Variants in ERBB4 observed in about 807,000 individuals in gnomAD.
ERBB4 encodes erb-b2 receptor tyrosine kinase 4.
In ERBB4, 42 loss-of-function variants were observed where a neutral mutation model predicts 158.0. The observed-to-expected ratio is 0.27, with a 90% confidence interval of 0.21 to 0.34. The LOEUF is 0.34. Ranked by LOEUF, ERBB4 falls within the 10% of genes least tolerant of loss-of-function variation. The probability of loss-of-function intolerance (pLI) is 1.00; values close to 1 mark genes in which losing one functional copy is unlikely to be tolerated. For missense variants in ERBB4, 1,333 were observed against 1,624.1 expected, an observed-to-expected ratio of 0.82 and a Z score of 3.08; for synonymous variants, 583 against 558.7, an observed-to-expected ratio of 1.04 and a Z score of -0.61.
intron 19 of ERBB4, among the ~76,000 whole-genome samples, chr2:211,599,536 T>TGTGTGTGTGTGTG (rs1559336933): frequency 2.0e-5 from 3 of 150,374 alleles, no homozygotes; most frequent in Non-Finnish European, 4.4e-5. Flanking sequence ...TGTGTGTGTG[T>TGTGTGTGTGTGTG]TTCCTGTCAA....
At chr2:211,467,786 C>T (rs577449667) in intron 20 of ERBB4, among the ~76,000 whole-genome samples, 1 of 152,272 alleles carries the variant, frequency 6.6e-6, no homozygotes, top group East Asian at 1.9e-4. Context: ...AAATCCATGT[C>T]TCCTTCTCCT....
intron 2 of ERBB4, among the ~76,000 whole-genome samples, chr2:212,080,394 G>GA (rs1409851943): frequency 6.6e-6 from 1 of 150,900 alleles, no homozygotes; most frequent in Admixed American, 6.7e-5. Context: ...GAATAGGCAA[G>GA]AAAAAATGAT....
At chr2:211,524,676 G>GCTGCTCCGAGTGCGT (rs2066292925) in intron 20 of ERBB4, among the ~76,000 whole-genome samples, 4 of 122,592 alleles carry the variant, frequency 3.3e-5, no homozygotes, top group African/African-American at 1.7e-4. Flanking sequence ...TCCGAGTGCG[G>GCTGCTCCGAGTGCGT]GGCCGCCAAG....
At chr2:211,829,031 T>A (rs2077164180) in intron 3 of ERBB4, among the ~76,000 whole-genome samples, 1 of 152,144 alleles carries the variant, frequency 6.6e-6, no homozygotes, top group South Asian at 2.1e-4. Flanking sequence ...TAATCTTTGG[T>A]TCATGAAGCA....
intron 2 of ERBB4, among the ~76,000 whole-genome samples, chr2:211,968,422 T>C (rs112685737): frequency 2.0e-5 from 3 of 152,170 alleles, no homozygotes; most frequent in African/African-American, 4.8e-5. Flanking sequence ...AGATTTCAGC[T>C]GTGACCAAAT....
chr2:211,466,351 A>T (rs201444752), intron 20 of ERBB4, among the ~76,000 whole-genome samples: 3,765 of 98,958 alleles, frequency 0.038, 129 homozygotes, highest in African/African-American at 0.14. Context: ...TTTTTTTTTA[A>T]AAAAAAAAAA....
At chr2:212,013,474 G>C (rs2076439284) in intron 2 of ERBB4, among the ~76,000 whole-genome samples, 1 of 152,138 alleles carries the variant, frequency 6.6e-6, no homozygotes, top group Non-Finnish European at 1.5e-5. Context: ...ATGCCCACAG[G>C]AAACTATTAA....
intron 3 of ERBB4, among the ~76,000 whole-genome samples, chr2:211,827,493 T>C (rs575913054): frequency 6.6e-6 from 1 of 152,104 alleles, no homozygotes; most frequent in Non-Finnish European, 1.5e-5. Flanking sequence ...CTTCTGTTTG[T>C]AGTTAATTAA....
At chr2:211,702,698 T>C (rs2073296671) in intron 11 of ERBB4, among the ~76,000 whole-genome samples, 1 of 152,078 alleles carries the variant, frequency 6.6e-6, no homozygotes, top group South Asian at 2.1e-4. Context: ...TAGGAGATAG[T>C]AAAATGTAAA....
intron 1 of ERBB4, among the ~76,000 whole-genome samples, chr2:212,165,463 G>T (rs7594859): frequency 1.3e-5 from 2 of 151,778 alleles, no homozygotes; most frequent in South Asian, 4.1e-4. Flanking sequence ...ATACCCCAAA[G>T]GATAAATAGT....
chr2:211,407,185 TAAC>T, intron 25 of ERBB4, among the ~76,000 whole-genome samples: 1 of 152,134 alleles, frequency 6.6e-6, no homozygotes, highest in African/African-American at 2.4e-5. Flanking sequence ...AGATAAGTGA[TAAC>T]AGGTATCACC....
intron 1 of ERBB4, among the ~76,000 whole-genome samples, chr2:212,474,822 C>CTT (rs539959668): frequency 0.026 from 2,476 of 94,248 alleles, 198 homozygotes; most frequent in South Asian, 0.056. Context: ...CCCGGCCATT[C>CTT]TTTTTTTTTT....
At chr2:212,262,205 T>G (rs896065746) in intron 1 of ERBB4, among the ~76,000 whole-genome samples, 2 of 152,166 alleles carry the variant, frequency 1.3e-5, no homozygotes, top group Non-Finnish European at 2.9e-5. Flanking sequence ...GGCTTTTATG[T>G]TTCTTTCAAC....
intron 20 of ERBB4, among the ~76,000 whole-genome samples, chr2:211,453,408 C>A (rs999739504): frequency 3.9e-5 from 6 of 152,074 alleles, no homozygotes; most frequent in Non-Finnish European, 8.8e-5. Flanking sequence ...TTTCATCATG[C>A]TTAAAACCCC....
chr2:212,264,621 A>G (rs1459417090), intron 1 of ERBB4, among the ~76,000 whole-genome samples: 1 of 152,148 alleles, frequency 6.6e-6, no homozygotes, highest in East Asian at 1.9e-4. Context: ...TCATGATTAC[A>G]TTAAGGATGT....
At chr2:211,679,438 C>T (rs1363195126) in intron 12 of ERBB4, among the ~76,000 whole-genome samples, 1 of 152,102 alleles carries the variant, frequency 6.6e-6, no homozygotes, top group Non-Finnish European at 1.5e-5. Flanking sequence ...TATATAAAAA[C>T]TATTGGGAGG....
At chr2:212,407,168 TATATG>T (rs1484113359) in intron 1 of ERBB4, among the ~76,000 whole-genome samples, 4 of 151,190 alleles carry the variant, frequency 2.6e-5, no homozygotes, top group East Asian at 1.9e-4. Flanking sequence ...ATACATTATC[TATATG>T]ATATAACACA....
intron 4 of ERBB4, among the ~76,000 whole-genome samples, chr2:211,785,303 G>A (rs1298210786): frequency 2.0e-5 from 3 of 151,880 alleles, no homozygotes; most frequent in East Asian, 3.9e-4. Context: ...GGGTTTCACC[G>A]TGTTAGCCAG....
chr2:212,101,187 T>C (rs2125516883), intron 2 of ERBB4, among the ~76,000 whole-genome samples: 1 of 151,998 alleles, frequency 6.6e-6, no homozygotes, highest in Non-Finnish European at 1.5e-5. Context: ...ATGATATGTA[T>C]ATAATTTTGT....
Sources: allele counts gnomAD v4.1 joint callset (sites outside exome capture counted in the v4.1 genomes callset), GRCh38; gene constraint gnomAD v4.1.1; transcripts MANE v1.5; gene names NCBI Gene and HGNC (gene_info 2026-07-23, HGNC 2026-07-21).